RREB1: variants seen among roughly 807,000 people sequenced by gnomAD.
The protein encoded by RREB1 is ras responsive element binding protein 1, also known as ras-responsive element-binding protein 1.
In RREB1, 27 loss-of-function variants were observed where a neutral mutation model predicts 117.8. The observed-to-expected ratio is 0.23, with a 90% CI of 0.17 to 0.32. The LOEUF is 0.32. Among genes scored for constraint, RREB1 ranks in the 10% least tolerant of loss-of-function variants. The pLI is 1.00. For synonymous variants in RREB1, 1,298 were observed against 1,026.7 expected (o/e 1.26, Z -5.05); for missense variants, 2,577 against 2,378.2 (o/e 1.08, Z -1.74).
chr6:7,195,267 A>G (rs1369026732), intron 6 of RREB1, among the ~76,000 whole-genome samples: 1 of 152,232 alleles, frequency 6.6e-6, no homozygotes, highest in Admixed American at 6.5e-5. Flanking sequence ...GAAAGTTGCA[A>G]ATAATGAGTT....
At chr6:7,109,769 C>A (rs1161324603) in intron 1 of RREB1, among the ~76,000 whole-genome samples, 1 of 152,216 alleles carries the variant, frequency 6.6e-6, no homozygotes, top group Non-Finnish European at 1.5e-5. Context: ...GGCTTCAGAG[C>A]CAGCAGCAGC....
At chr6:7,175,438 G>C (rs529396492) in intron 1 of RREB1, among the ~76,000 whole-genome samples, 1 of 152,200 alleles carries the variant, frequency 6.6e-6, no homozygotes, top group African/African-American at 2.4e-5. Flanking sequence ...GTCCGTCCCT[G>C]TGGGTTAGTC....
intron 8 of RREB1, among the ~76,000 whole-genome samples, chr6:7,225,849 G>A (rs1767551505): frequency 2.0e-5 from 3 of 152,194 alleles, no homozygotes. Flanking sequence ...TGCTGGGGTT[G>A]TCATATGTGC....
At chr6:7,187,313 G>A in intron 4 of RREB1, 121 bp from the exon 5 acceptor site, 1 of 497,074 alleles carries the variant, frequency 2.0e-6, no homozygotes. Context: ...ACCTGGGCAG[G>A]TTCTGGAGCC....
chr6:7,137,029 G>C (rs371607676), intron 1 of RREB1, among the ~76,000 whole-genome samples: 2 of 152,198 alleles, frequency 1.3e-5, no homozygotes, highest in African/African-American at 2.4e-5. Flanking sequence ...GATGTTCTTC[G>C]AGAAGATGGA....
At chr6:7,145,648 G>A (rs996539594) in intron 1 of RREB1, among the ~76,000 whole-genome samples, 10 of 151,988 alleles carry the variant, frequency 6.6e-5, no homozygotes, top group East Asian at 3.9e-4. Flanking sequence ...ACCTAACCTC[G>A]ATTAACCTAT....
rs1767992362 is a variant in RREB1 at position 7,231,717 on chromosome 6, T to C, written c.3618T>C (p.Asp1206=). ...FLQTAEDNTQ[D]EVAGAPADHH... is the part of the protein sequence containing the mutation. ...AGACAGCGGAGGACAACACTCAGGA[T>C]GAGGTGGCCGGAGCCCCTGCCGACC... The change falls in exon 10 of 13, where the codon GAT becomes GAC. Residue 1206 remains aspartate, a synonymous_variant. Transcript: ENST00000379938. 6.2e-7 allele frequency: 1 copy of C among 1,613,488 alleles called. No homozygotes were observed. Among genetic ancestry groups the C allele is most frequent in the African/African-American group, 1.3e-5 (1 of 74,914 alleles).
At chr6:7,205,113 G>A (rs1252558179) in intron 6 of RREB1, among the ~76,000 whole-genome samples, 3 of 152,176 alleles carry the variant, frequency 2.0e-5, no homozygotes, top group African/African-American at 7.2e-5. Flanking sequence ...ACCTGCAAAC[G>A]GTGCAGAGAG....
chr6:7,189,830 A>G (rs1407694117), intron 6 of RREB1, among the ~76,000 whole-genome samples: 2 of 152,226 alleles, frequency 1.3e-5, no homozygotes, highest in South Asian at 4.1e-4. Context: ...ACATCAGGAC[A>G]TTAATTCCTG....
chr6:7,229,263 C>G lies in RREB1; in HGVS notation c.1164C>G (p.Asn388Lys). The part of the protein sequence containing the change: ...APAEEPLPDD[N>K]QAIQLQTLKC... ...CCGAGGAGCCCCTGCCGGATGACAA[C>G]CAGGCAATTCAGCTCCAGACACTCA... is the stretch of plus-strand genomic sequence containing the variant. Residue 388 changes from asparagine (N) to lysine (K), a missense_variant, in exon 10 of 13, where the codon AAC (asparagine) becomes AAG (lysine). Transcript: ENST00000379938. The surrounding 1 kb of genome is among the most constrained non-coding windows in gnomAD (Gnocchi z 4.5). The G allele has an allele frequency of 6.2e-7, 1 of 1,614,186 alleles. No homozygotes were observed. The highest frequency in any genetic ancestry group is 8.5e-7 in the Non-Finnish European group (1 of 1,180,036).
intron 8 of RREB1, chr6:7,218,647 A>G (rs996923249): frequency 6.6e-6 from 1 of 152,168 alleles, no homozygotes; most frequent in Non-Finnish European, 1.5e-5. Context: ...TGCTTTTAAC[A>G]GTGATAGTTA....
At chr6:7,141,293 G>A (rs1762575369) in intron 1 of RREB1, among the ~76,000 whole-genome samples, 1 of 152,200 alleles carries the variant, frequency 6.6e-6, no homozygotes, top group Non-Finnish European at 1.5e-5. Flanking sequence ...GTAGAGCCGC[G>A]TCTTCCAGCG....
chr6:7,153,445 A>AC (rs1380017386), intron 1 of RREB1, among the ~76,000 whole-genome samples: 6 of 105,938 alleles, frequency 5.7e-5, no homozygotes, highest in Non-Finnish European at 1.2e-4. Flanking sequence ...CACACACACA[A>AC]ATCCTCCAAT....
chr6:7,162,935 A>G (rs1035066045), intron 1 of RREB1, among the ~76,000 whole-genome samples: 32 of 151,730 alleles, frequency 2.1e-4, no homozygotes, highest in African/African-American at 7.3e-4. Flanking sequence ...TGTAGCCTCA[A>G]CCTCCCTGGG....
intron 10 of RREB1, among the ~76,000 whole-genome samples, chr6:7,233,749 A>G (rs1768138690): frequency 6.6e-6 from 1 of 152,152 alleles, no homozygotes; most frequent in African/African-American, 2.4e-5. Context: ...CTCTGTGTCC[A>G]GGTGGAAATG....
At position 7,246,584 on chromosome 6, in the gene RREB1, C is replaced by T. The variant is rs774199765; in HGVS notation, c.4134C>T (p.His1378=). 6.4e-7 allele frequency: 1 copy of T among 1,553,456 alleles called. No homozygotes were observed. The change falls in exon 12 of 13, where the codon CAC becomes CAT. Residue 1378 remains histidine, a synonymous_variant. Coordinates refer to ENST00000379938, the MANE Select transcript of RREB1 (RefSeq NM_001003699.4). The part of the protein sequence containing the change: ...QATAETASPV[H]REEHGRGESH... ...CGGCGGAAACGGCCTCGCCGGTGCA[C>T]CGGGAAGAGCACGGGCGTGGGGAGA...
chr6:7,202,580 G>A (rs1206331042), intron 6 of RREB1, among the ~76,000 whole-genome samples: 2 of 152,214 alleles, frequency 1.3e-5, no homozygotes, highest in Non-Finnish European at 2.9e-5. Flanking sequence ...GATGACTTCA[G>A]TTGGGGCACC....
intron 1 of RREB1, among the ~76,000 whole-genome samples, chr6:7,112,481 T>G (rs1458688550): frequency 6.6e-6 from 1 of 152,204 alleles, no homozygotes; most frequent in Admixed American, 6.5e-5. Context: ...CTTTCTTTCC[T>G]GATTTAGACA....
At chr6:7,217,101 C>T (rs568932790) in intron 8 of RREB1, 1 of 152,472 alleles carries the variant, frequency 6.6e-6, no homozygotes, top group East Asian at 1.9e-4. Context: ...ATCACTGTTG[C>T]TCGCAGCAAC....
Sources: allele counts gnomAD v4.1 joint callset (sites outside exome capture counted in the v4.1 genomes callset), GRCh38; gene constraint gnomAD v4.1.1; non-coding constraint Gnocchi (gnomAD v3.1); transcripts MANE v1.5; gene names NCBI Gene and HGNC (gene_info 2026-07-23, HGNC 2026-07-21).